The following EDIL3 variants were observed in gnomAD, a reference collection of about 807,000 sequenced individuals.
EDIL3 encodes the protein EGF like and discoidin domains 3.
In EDIL3, 37 loss-of-function variants were observed where a neutral mutation model predicts 67.4. The observed-to-expected ratio is 0.55, with a 90% CI of 0.42 to 0.72. The LOEUF (loss-of-function observed/expected upper bound fraction) is 0.72, where lower values mean the gene tolerates loss of function less well. EDIL3 is among the 30% of genes least tolerant of loss of function. The pLI is 0.00. For missense variants in EDIL3, 527 were observed against 586.3 expected, an observed-to-expected ratio of 0.90 and a Z score of 1.04; for synonymous variants, 195 against 196.3, an observed-to-expected ratio of 0.99 and a Z score of 0.05.
intron 1 of EDIL3, among the ~76,000 whole-genome samples, chr5:84,261,690 C>G (rs947115587): frequency 6.6e-6 from 1 of 152,102 alleles, no homozygotes; most frequent in African/African-American, 2.4e-5. Context: ...CAATAAAAGA[C>G]CATCCATTTC....
intron 4 of EDIL3, among the ~76,000 whole-genome samples, chr5:84,157,543 C>A (rs1247803972): frequency 2.0e-5 from 3 of 151,936 alleles, no homozygotes; most frequent in Non-Finnish European, 4.4e-5. Flanking sequence ...TAGTTTCTGA[C>A]ATTATTATCT....
At chr5:84,252,473 G>C (rs977376092) in intron 2 of EDIL3, among the ~76,000 whole-genome samples, 6 of 51,954 alleles carry the variant, frequency 1.2e-4, no homozygotes, top group African/African-American at 1.6e-4. Flanking sequence ...CAGCCTGTGC[G>C]ACAAAGTGAG....
chr5:84,383,111 T>C (rs1234468554), intron 1 of EDIL3, among the ~76,000 whole-genome samples: 1 of 152,242 alleles, frequency 6.6e-6, no homozygotes, highest in East Asian at 1.9e-4. Context: ...TCTACCTTTT[T>C]TAGAGGCACA....
chr5:83,984,948 ACAC>A (rs1160369490), intron 9 of EDIL3, among the ~76,000 whole-genome samples: 1 of 38,462 alleles, frequency 2.6e-5, no homozygotes, highest in African/African-American at 6.8e-5. Context: ...ATGCAAACAT[ACAC>A]CACACACACA....
At chr5:84,351,884 A>G (rs1419179716) in intron 1 of EDIL3, among the ~76,000 whole-genome samples, 1 of 152,054 alleles carries the variant, frequency 6.6e-6, no homozygotes, top group Non-Finnish European at 1.5e-5. Flanking sequence ...TTTTCAATCT[A>G]TATATCTAAA....
rs867708418 is a variant in EDIL3 at position 84,312,307 on chromosome 5, C to G, written c.68-58095G>C. ...GGGCTGACCCCCCCACCTCCCTCCC[C>G]GACGGGGCGGCTGGCCGGGTGGGGG... is the stretch of plus-strand genomic sequence containing the variant. On this transcript the variant is annotated intron_variant, in intron 1 of 10. Transcript: ENST00000296591. Among the ~76,000 whole-genome samples, 70 of 134,820 alleles carry G rather than the reference C, an allele frequency of 5.2e-4. 4 individuals carry two copies. Among genetic ancestry groups the G allele is most frequent in the African/African-American group, 1.7e-3 (52 of 31,486 alleles). The allele number at this position is 134,820 out of a possible 152,430, so 88.4% of individuals were successfully genotyped here.
intron 6 of EDIL3, among the ~76,000 whole-genome samples, chr5:84,097,768 A>T (rs555824068): frequency 1.3e-5 from 2 of 152,066 alleles, no homozygotes; most frequent in South Asian, 4.1e-4. Flanking sequence ...TCAACCCATA[A>T]ATTTAAAAAA....
intron 1 of EDIL3, among the ~76,000 whole-genome samples, chr5:84,295,407 T>C (rs1400507274): frequency 6.6e-6 from 1 of 152,008 alleles, no homozygotes; most frequent in Non-Finnish European, 1.5e-5. Flanking sequence ...TTATCAATAT[T>C]ACCAAAGCAA....
intron 4 of EDIL3, among the ~76,000 whole-genome samples, chr5:84,152,265 G>A (rs1368952997): frequency 6.6e-6 from 1 of 152,092 alleles, no homozygotes; most frequent in Non-Finnish European, 1.5e-5. Context: ...TTATAAAAAT[G>A]TATGTTTAAA....
In EDIL3 at chr5:84,353,889, A is replaced by T. The variant is rs376355397; in HGVS notation, c.67+30419T>A. ...TACTATATCTGATCATTGGTTAGAA[A>T]AATCAACAATACACAGGTTCAAGCT... On this transcript the variant is annotated intron_variant, in intron 1 of 10. Transcript: ENST00000296591. Among the ~76,000 whole-genome samples the T allele has an allele frequency of 2.6e-5, 4 of 152,304 alleles. No homozygotes were observed. The East Asian group carries it at 5.8e-4, about 22-fold the overall frequency.
At chr5:84,172,374 G>C (rs1175018225) in intron 4 of EDIL3, among the ~76,000 whole-genome samples, 1 of 152,104 alleles carries the variant, frequency 6.6e-6, no homozygotes, top group Non-Finnish European at 1.5e-5. Flanking sequence ...TTGAGCCCAG[G>C]ATCTCAAGAC....
chr5:84,111,755 G>A (rs937062249), intron 5 of EDIL3, among the ~76,000 whole-genome samples: 1 of 152,178 alleles, frequency 6.6e-6, no homozygotes, highest in Non-Finnish European at 1.5e-5. Context: ...ATCTCTGAAT[G>A]GGAAGAAGGA....
At chr5:84,310,970 T>C (rs1215348408) in intron 1 of EDIL3, among the ~76,000 whole-genome samples, 2 of 152,154 alleles carry the variant, frequency 1.3e-5, no homozygotes, top group Admixed American at 6.6e-5. Context: ...ATGAATTGAA[T>C]GTATTCTATC....
intron 2 of EDIL3, among the ~76,000 whole-genome samples, chr5:84,242,060 A>T (rs1262765987): frequency 1.0e-5 from 1 of 97,702 alleles, no homozygotes; most frequent in East Asian, 3.7e-4. Context: ...CTCTACTAAA[A>T]GTACAAAAAA....
chr5:84,380,208 T>TA (rs959471762), intron 1 of EDIL3, among the ~76,000 whole-genome samples: 2 of 151,894 alleles, frequency 1.3e-5, no homozygotes, highest in African/African-American at 2.4e-5. Context: ...ATGATAAAAA[T>TA]AAAAAAATCA....
chr5:84,241,528 C>A (rs903159653), intron 2 of EDIL3, among the ~76,000 whole-genome samples: 2 of 152,098 alleles, frequency 1.3e-5, no homozygotes, highest in Non-Finnish European at 1.5e-5. Context: ...GCCTTACCTA[C>A]ATTACTCATA....
chr5:84,143,755 T>C (rs1291607506), intron 4 of EDIL3, among the ~76,000 whole-genome samples: 2 of 152,024 alleles, frequency 1.3e-5, no homozygotes, highest in South Asian at 2.1e-4. Flanking sequence ...TTTAAATATA[T>C]ATATATATGC....
At chr5:84,328,051 C>T (rs575593001) in intron 1 of EDIL3, among the ~76,000 whole-genome samples, 16 of 152,030 alleles carry the variant, frequency 1.1e-4, no homozygotes, top group Admixed American at 2.0e-4. Flanking sequence ...ACTTCAGCAG[C>T]GCTTATTAAT....
chr5:84,096,869 C>A (rs1561430395), intron 6 of EDIL3, among the ~76,000 whole-genome samples: 1 of 152,152 alleles, frequency 6.6e-6, no homozygotes, highest in Non-Finnish European at 1.5e-5. Context: ...CTTTCCCATG[C>A]TATTCTCATG....
Sources: allele counts gnomAD v4.1 joint callset (sites outside exome capture counted in the v4.1 genomes callset), GRCh38; gene constraint gnomAD v4.1.1; transcripts MANE v1.5; gene names NCBI Gene and HGNC (gene_info 2026-07-23, HGNC 2026-07-21).